FRMPD4: variants seen among roughly 807,000 people sequenced by gnomAD.
The protein encoded by FRMPD4 is FERM and PDZ domain-containing protein 4.
A neutral mutation model predicts 94.1 loss-of-function variants in FRMPD4; 22 were observed. The observed-to-expected ratio is 0.23, with a 90% CI of 0.17 to 0.33. FRMPD4 has a LOEUF of 0.33. Among genes scored for constraint, FRMPD4 ranks in the 10% least tolerant of loss-of-function variants. FRMPD4 has a pLI of 1.00. For missense variants in FRMPD4, 1,111 were observed against 1,339.9 expected, an observed-to-expected ratio of 0.83 and a Z score of 2.67; for synonymous variants, 631 against 548.6, an observed-to-expected ratio of 1.15 and a Z score of -2.10.
At chrX:12,537,398 A>T (rs182713444) in intron 2 of FRMPD4, among the ~76,000 whole-genome samples, 1 of 110,749 alleles carries the variant, frequency 9.0e-6, no homozygotes, top group Non-Finnish European at 1.9e-5. Flanking sequence ...ACCTTCAAAA[A>T]TTAAAAACAT....
At chrX:11,944,636 C>G (rs188201795) in intron 3 of FRMPD4, among the ~76,000 whole-genome samples, 20 of 111,562 alleles carry the variant, frequency 1.8e-4, no homozygotes, top group Non-Finnish European at 3.2e-4. Flanking sequence ...TGCTGATAAT[C>G]GGGAGGCTGC....
chrX:12,345,340 T>C (rs1315973455), intron 1 of FRMPD4, among the ~76,000 whole-genome samples: 2 of 111,675 alleles, frequency 1.8e-5, no homozygotes, highest in African/African-American at 3.3e-5. Context: ...ACAGCCTGGT[T>C]ATGGATGTGT....
At chrX:11,995,407 G>A (rs2054491247) in intron 3 of FRMPD4, among the ~76,000 whole-genome samples, 2 of 110,378 alleles carry the variant, frequency 1.8e-5, no homozygotes, top group East Asian at 5.7e-4. Context: ...CATTCCAATC[G>A]TTCCCACTCT....
chrX:12,479,681 G>A (rs1467739056), intron 1 of FRMPD4, among the ~76,000 whole-genome samples: 2 of 106,432 alleles, frequency 1.9e-5, no homozygotes, highest in Non-Finnish European at 3.9e-5. Context: ...TTTATTTTTT[G>A]TAGAGATAAG....
At chrX:11,850,115 G>A (rs914735008) in intron 1 of FRMPD4, among the ~76,000 whole-genome samples, 1 of 111,899 alleles carries the variant, frequency 8.9e-6, no homozygotes, top group African/African-American at 3.2e-5. Context: ...AAATGGGCAA[G>A]GGATTTGAAT....
intron 3 of FRMPD4, among the ~76,000 whole-genome samples, chrX:12,016,067 T>G (rs2054603379): frequency 8.9e-6 from 1 of 112,469 alleles, no homozygotes; most frequent in African/African-American, 3.2e-5. Flanking sequence ...CTATTTTACC[T>G]AGAGAAGAGG....
At chrX:12,663,818 C>T (rs1455665181) in intron 4 of FRMPD4, among the ~76,000 whole-genome samples, 5 of 112,484 alleles carry the variant, frequency 4.4e-5, no homozygotes, top group Non-Finnish European at 3.8e-5. Context: ...ATGGCATTGA[C>T]TCTTCCTATC....
intron 3 of FRMPD4, among the ~76,000 whole-genome samples, chrX:12,060,923 A>G (rs896757407): frequency 1.8e-5 from 2 of 112,039 alleles, no homozygotes; most frequent in Non-Finnish European, 3.8e-5. Flanking sequence ...AATATCTACT[A>G]TGTGCTTCAC....
chrX:12,287,545 T>A (rs143901006), intron 1 of FRMPD4, among the ~76,000 whole-genome samples: 2,277 of 110,858 alleles, frequency 0.021, 31 homozygotes, highest in Non-Finnish European at 0.032. Context: ...GGGGATGGAG[T>A]GGGCTTTAAG....
At chrX:12,265,370 TA>T (rs2054256544) in intron 1 of FRMPD4, among the ~76,000 whole-genome samples, 1 of 112,205 alleles carries the variant, frequency 8.9e-6, no homozygotes, top group Non-Finnish European at 1.9e-5. Flanking sequence ...AGAAGCCCAG[TA>T]ACTGTAATAA....
chrX:12,173,323 G>T (rs1337518189), intron 1 of FRMPD4, among the ~76,000 whole-genome samples: 2 of 112,704 alleles, frequency 1.8e-5, no homozygotes, highest in East Asian at 5.6e-4. Context: ...TGGCATCACA[G>T]CCTCCTTGTA....
intron 13 of FRMPD4, among the ~76,000 whole-genome samples, chrX:12,709,994 G>A (rs912196141): frequency 1.8e-5 from 2 of 110,737 alleles, no homozygotes; most frequent in Non-Finnish European, 1.9e-5. Context: ...CTGGCGCGGT[G>A]GTGCATGCCT....
At chrX:12,511,344 A>G (rs2058040254) in intron 2 of FRMPD4, among the ~76,000 whole-genome samples, 1 of 112,236 alleles carries the variant, frequency 8.9e-6, no homozygotes, top group Non-Finnish European at 1.9e-5. Flanking sequence ...AAGTAACTGT[A>G]CTAAACATGC....
intron 1 of FRMPD4, among the ~76,000 whole-genome samples, chrX:12,425,520 TGATAA>T (rs2148095393): frequency 8.9e-6 from 1 of 112,079 alleles, no homozygotes; most frequent in African/African-American, 3.2e-5. Context: ...GAGAATTCCC[TGATAA>T]GATAACAGCT....
chrX:12,006,026 G>T (rs928879389), intron 3 of FRMPD4, among the ~76,000 whole-genome samples: 1 of 110,611 alleles, frequency 9.0e-6, no homozygotes, highest in South Asian at 3.8e-4. Context: ...GGTAATGATT[G>T]TAGCCTTGGT....
At chrX:12,236,077 G>C (rs887421960) in intron 1 of FRMPD4, among the ~76,000 whole-genome samples, 1 of 111,766 alleles carries the variant, frequency 8.9e-6, no homozygotes, top group Non-Finnish European at 1.9e-5. Context: ...AGTGCCATCA[G>C]ATTCTCTCTG....
chrX:12,160,545 G>A (rs924539688), intron 1 of FRMPD4, among the ~76,000 whole-genome samples: 5 of 111,549 alleles, frequency 4.5e-5, no homozygotes, highest in East Asian at 2.8e-4. Flanking sequence ...TGTATTTTCC[G>A]TGTAACATTT....
chrX:12,638,337 A>G (rs2059461709), intron 4 of FRMPD4, among the ~76,000 whole-genome samples: 1 of 112,173 alleles, frequency 8.9e-6, no homozygotes, highest in Admixed American at 9.4e-5. Flanking sequence ...CCTGGGCTCA[A>G]GAGACCCTCC....
rs1327959544 is a variant in FRMPD4 at position 12,195,637 on chromosome X, G to A, written c.41+56625G>A. The stretch of plus-strand genomic sequence containing the variant: ...TTACTGAAATTCCAGACTCCCAGAA[G>A]GAAAGCAGGTGTTTAGTGTCCCAGG... On this transcript the variant is annotated intron_variant, in intron 1 of 16. Coordinates refer to ENST00000675598, the MANE Select transcript of FRMPD4 (RefSeq NM_001368397.1). Among the ~76,000 whole-genome samples the A allele has an allele frequency of 2.7e-5, 3 of 111,690 alleles. No individual in the cohort carries two copies. In the East Asian group the frequency reaches 8.5e-4, roughly 32 times the overall value.
Sources: gnomAD v4.1 joint callset for allele counts (sites outside exome capture counted in the v4.1 genomes callset) on GRCh38, gnomAD v4.1.1 for gene constraint, MANE v1.5 for transcripts, NCBI Gene and HGNC (gene_info 2026-07-23, HGNC 2026-07-21) for gene names.